Variants in MLLT10 observed in about 807,000 individuals in gnomAD.
MLLT10 encodes MLLT10 histone lysine methyltransferase DOT1L cofactor, also known as protein AF-10.
MLLT10 carries 30 observed loss-of-function variants against 129.1 expected under a neutral mutation model. The ratio of observed to expected loss-of-function variants is 0.23; its 90% confidence interval spans 0.17 to 0.32. The LOEUF is 0.32. MLLT10 is among the 10% of genes least tolerant of loss of function. MLLT10 has a pLI of 1.00. For synonymous variants in MLLT10, 490 were observed against 446.4 expected, an observed-to-expected ratio of 1.10 and a Z score of -1.23; for missense variants, 1,119 against 1,268.3, an observed-to-expected ratio of 0.88 and a Z score of 1.79.
At position 21,673,760 on chromosome 10, in the gene MLLT10, G is replaced by A. The variant is rs1238222030; in HGVS notation, c.1462G>A (p.Glu488Lys). The change falls in exon 11 of 23, where the codon GAG (glutamate) becomes AAG (lysine). Residue 488 changes from glutamate (E) to lysine (K), a missense_variant. Physicochemically the swap from Glu to Lys is moderately conservative, Grantham distance 56. Transcript: ENST00000307729. Reference protein sequence around the residue: ...PGRPKGNKNQENVSHLSVSSA... With the variant: ...PGRPKGNKNQKNVSHLSVSSA... ...CAGACCCAAAGGAAACAAAAATCAA[G>A]AGAATGTTTCTCATCTCTCAGTTTC... is the stretch of plus-strand genomic sequence containing the variant. 6.2e-7 allele frequency: 1 copy of A among 1,614,110 alleles called. No individual in the cohort carries two copies. The highest frequency in any genetic ancestry group is 8.5e-7 in the Non-Finnish European group (1 of 1,180,020).
At chr10:21,689,559 A>ATATG (rs1340701980) in intron 13 of MLLT10, among the ~76,000 whole-genome samples, 9 of 92,718 alleles carry the variant, frequency 9.7e-5, no homozygotes, top group African/African-American at 1.8e-4. Flanking sequence ...ATATATATAT[A>ATATG]TATATGTATA....
At chr10:21,681,162 C>T (rs12762089) in intron 11 of MLLT10, among the ~76,000 whole-genome samples, 170 bp from the exon 12 acceptor site, 2,792 of 151,956 alleles carry the variant, frequency 0.018, 51 homozygotes, top group Non-Finnish European at 0.023. Flanking sequence ...TTTGGTTCTC[C>T]CCCTCATGTC....
chr10:21,711,235 C>T (rs543572265), intron 13 of MLLT10, among the ~76,000 whole-genome samples: 5 of 151,852 alleles, frequency 3.3e-5, no homozygotes, highest in East Asian at 1.9e-4. Context: ...CCAGCCTGGC[C>T]GACATGGTGA....
At chr10:21,624,562 C>CA in intron 8 of MLLT10, 1 of 1,251,376 alleles carries the variant, frequency 8.0e-7, no homozygotes. Context: ...CGTATCTTGC[C>CA]ATTATCATTT....
At chr10:21,605,674 A>G (rs1318640696) in intron 5 of MLLT10, among the ~76,000 whole-genome samples, 2 of 152,076 alleles carry the variant, frequency 1.3e-5, no homozygotes, top group Admixed American at 1.3e-4. Flanking sequence ...GGCTCAAGCT[A>G]TCCTCCTGCT....
At chr10:21,585,150 C>T (rs1018459323) in intron 3 of MLLT10, among the ~76,000 whole-genome samples, 5 of 151,974 alleles carry the variant, frequency 3.3e-5, no homozygotes, top group Admixed American at 3.3e-4. Flanking sequence ...TCTTGAACCC[C>T]TGGGCTCAAG....
chr10:21,693,660 C>T (rs926887727), intron 13 of MLLT10, among the ~76,000 whole-genome samples: 12 of 152,172 alleles, frequency 7.9e-5, no homozygotes, highest in Non-Finnish European at 1.3e-4. Context: ...TGCGTTTCAC[C>T]GATTCCCTAC....
chr10:21,694,008 G>C (rs1454804701), intron 13 of MLLT10, among the ~76,000 whole-genome samples: 1 of 152,144 alleles, frequency 6.6e-6, no homozygotes, highest in African/African-American at 2.4e-5. Context: ...TTTAAAAAAA[G>C]AGCTGCGTAG....
intron 3 of MLLT10, among the ~76,000 whole-genome samples, chr10:21,553,693 AG>A (rs1343052283): frequency 7.1e-6 from 1 of 141,068 alleles, no homozygotes. Context: ...TCTGTCGCCC[AG>A]GCTGAAGTGC....
At position 21,651,697 on chromosome 10, in the gene MLLT10, A is replaced by G; in HGVS notation, c.724A>G (p.Lys242Glu). The G allele has an allele frequency of 6.2e-7, 1 of 1,613,286 alleles. No individual in the cohort carries two copies. Among genetic ancestry groups the G allele is most frequent in the Non-Finnish European group, 8.5e-7 (1 of 1,179,524 alleles). ...GAAATATAAAGAGAAGGACAAACAC[A>G]AACAGAAACACAAGAAGCAGCCAGA... is the stretch of plus-strand genomic sequence containing the variant. ...KKKYKEKDKH[K>E]QKHKKQPEPS... The change falls in exon 9 of 23, where the codon AAA becomes GAA. Residue 242 changes from lysine to glutamate, a missense_variant. This residue lies in a region of MLLT10 where 1,004 missense variants were observed against 1,008.7 expected (regional missense o/e 1.00). Coordinates refer to ENST00000307729, the MANE Select transcript of MLLT10 (RefSeq NM_001195626.3).
At chr10:21,729,628 G>C (rs2057793386) in intron 16 of MLLT10, among the ~76,000 whole-genome samples, 1 of 152,202 alleles carries the variant, frequency 6.6e-6, no homozygotes, top group Admixed American at 6.5e-5. Flanking sequence ...GTATAGCCCA[G>C]CTCTTGTCAC....
At chr10:21,617,237 A>G (rs781769764) in intron 8 of MLLT10, 30 bp downstream of exon 8, 13 of 1,291,898 alleles carry the variant, frequency 1.0e-5, no homozygotes, top group Admixed American at 4.8e-5. Flanking sequence ...CTAAATTTGT[A>G]GCACATCTAC....
intron 4 of MLLT10, among the ~76,000 whole-genome samples, chr10:21,593,994 T>C (rs2042769116): frequency 6.6e-6 from 1 of 150,830 alleles, no homozygotes; most frequent in South Asian, 2.1e-4. Context: ...GATACTGTTT[T>C]CTTTTAGAGA....
chr10:21,628,258 G>A (rs1284688556), intron 8 of MLLT10, among the ~76,000 whole-genome samples: 3 of 152,084 alleles, frequency 2.0e-5, no homozygotes, highest in Non-Finnish European at 4.4e-5. Flanking sequence ...GTTAACTATT[G>A]TAGTATAGCA....
chr10:21,563,036 C>T (rs1282993682), intron 3 of MLLT10, among the ~76,000 whole-genome samples: 1 of 151,784 alleles, frequency 6.6e-6, no homozygotes, highest in Non-Finnish European at 1.5e-5. Context: ...TCAGGCTGGT[C>T]TTGAACTCCC....
Position 21,534,368 on chromosome 10 carries a change from C to T in MLLT10, c.-153C>T, listed in dbSNP as rs2033390270. ...CTTGATTATGTGTGCCCTCTCCGGG[C>T]GCCCGCGTTAGCGGCCGGGTGGAGG... is the stretch of plus-strand genomic sequence containing the variant. On this transcript the variant is annotated 5_prime_UTR_variant, in exon 1 of 23. Coordinates refer to ENST00000307729, the MANE Select transcript of MLLT10 (RefSeq NM_001195626.3). 3 of 373,044 alleles carry T rather than the reference C, an allele frequency of 8.0e-6. No homozygotes were observed. Among genetic ancestry groups the T allele is most frequent in the Non-Finnish European group, 1.5e-5 (3 of 202,670 alleles). 23.1% of individuals were successfully genotyped at this position (373,044 alleles called of 1,614,324 possible). A position where few individuals can be genotyped will look rare whatever the true frequency, so the allele number is the denominator to read the frequency against.
intron 12 of MLLT10, 116 bp from the exon 13 acceptor site, chr10:21,682,106 CAAT>C (rs2052799338): frequency 4.3e-6 from 3 of 689,756 alleles, no homozygotes; most frequent in Admixed American, 3.7e-5. Context: ...ATGATTCAAA[CAAT>C]GATATATGAT....
chr10:21,552,585 C>A (rs990045699), intron 3 of MLLT10, among the ~76,000 whole-genome samples: 1 of 150,272 alleles, frequency 6.7e-6, no homozygotes, highest in African/African-American at 2.5e-5. Flanking sequence ...AGAGACGGGG[C>A]TTTACCGTGT....
chr10:21,645,526 T>G (rs1275159710), intron 8 of MLLT10, among the ~76,000 whole-genome samples: 2 of 152,206 alleles, frequency 1.3e-5, no homozygotes, highest in Non-Finnish European at 2.9e-5. Flanking sequence ...TTCTTTTTCT[T>G]TCTTATGTTA....
Sources: allele counts gnomAD v4.1 joint callset (sites outside exome capture counted in the v4.1 genomes callset), GRCh38; gene constraint gnomAD v4.1.1; regional missense constraint gnomAD v4.1.1; transcripts MANE v1.5; gene names NCBI Gene and HGNC (gene_info 2026-07-23, HGNC 2026-07-21).